Variants in ZMYM3 observed in about 807,000 individuals in gnomAD.
ZMYM3 encodes zinc finger MYM-type containing 3.
A neutral mutation model predicts 94.2 loss-of-function variants in ZMYM3; 6 were observed. That is an observed-to-expected ratio of 0.06 (90% CI 0.03 to 0.13). The LOEUF (loss-of-function observed/expected upper bound fraction) is 0.13, where lower values mean the gene tolerates loss of function less well. ZMYM3 is among the 10% of genes least tolerant of loss of function. The pLI, the probability that ZMYM3 is intolerant of heterozygous loss-of-function variation, is 1.00. For missense variants in ZMYM3, 664 were observed against 1,132.6 expected (o/e 0.59, Z 5.94); for synonymous variants, 420 against 426.5 (o/e 0.98, Z 0.19).
chrX:71,242,960 T>C lies in ZMYM3; in HGVS notation c.3547+10A>G. 8.3e-7 allele frequency: 1 copy of C among 1,200,499 alleles called. No individual in the cohort carries two copies. The highest frequency in any genetic ancestry group is 1.1e-6 in the Non-Finnish European group (1 of 885,611). On this transcript the variant is annotated intron_variant, in intron 22 of 24. Coordinates refer to ENST00000314425, the MANE Select transcript of ZMYM3 (RefSeq NM_201599.3). ...AAGCGGGTAGGGGTTGCTACGTCCC[T>C]GTTCCTTACTGTTGGGGAGGAGTGT...
Position 71,253,135 on chromosome X carries a change from G to C in ZMYM3, c.121C>G (p.Pro41Ala). ...GEDLLESQTA[P>A]TRGWAPPGPS... ...CCAGGGGGGGCCCATCCTCGAGTTG[G>C]GGCAGTCTGGGATTCCAGTAGATCC... The change falls in exon 2 of 25, where the codon CCA becomes GCA. Residue 41 changes from proline (P) to alanine (A), a missense_variant. Physicochemically the swap from Pro to Ala is conservative, Grantham distance 27 (BLOSUM62 -1). Around this residue, in one of 9 missense-constraint regions of ZMYM3, gnomAD observed 196 missense variants for 190.8 expected, o/e 1.03. Transcript: ENST00000314425. 8.3e-7 allele frequency: 1 copy of C among 1,205,049 alleles called. No homozygotes were observed. The highest frequency in any genetic ancestry group is 1.7e-5 in the African/African-American group (1 of 57,621).
At chrX:71,248,963 A>C in intron 8 of ZMYM3, 56 bp downstream of exon 8, 1 of 1,198,698 alleles carries the variant, frequency 8.3e-7, no homozygotes, top group Non-Finnish European at 1.1e-6. Flanking sequence ...AGAGGGGAGT[A>C]TGGGAGGTAG....
upstream of ZMYM3, chrX:71,254,229 G>T (rs2030655467): frequency 8.9e-6 from 1 of 112,700 alleles, no homozygotes; most frequent in Non-Finnish European, 1.9e-5. Context: ...GCTCGAGGAG[G>T]GGGCTCGCGA....
Position 71,246,594 on chromosome X carries a change from C to A in ZMYM3, c.2412+1G>T, listed in dbSNP as rs774542220. 2 of 1,210,858 alleles carry A rather than the reference C, an allele frequency of 1.7e-6. No homozygotes were observed. Among genetic ancestry groups the A allele is most frequent in the Non-Finnish European group, 2.2e-6 (2 of 895,077 alleles). On this transcript the variant is annotated splice_donor_variant, in intron 14 of 24. Coordinates refer to ENST00000314425, the MANE Select transcript of ZMYM3 (RefSeq NM_201599.3). LOFTEE classifies it high-confidence loss of function. ...TCCTCCCCCTTGGCTTTTGCCCCGA[C>A]CTTGCCCAAATTCCCATTTTCCTCT...
chrX:71,244,916 G>C lies in ZMYM3; in HGVS notation c.3008-23C>G, dbSNP rs771494483. On this transcript the variant is annotated intron_variant, in intron 18 of 24. Transcript: ENST00000314425. The stretch of plus-strand genomic sequence containing the variant: ...GATCTAATGAAAAGGAAAGAAAGAA[G>C]AAATCAATTTCTTAAGATCTCAACC... The C allele has an allele frequency of 5.2e-6, 6 of 1,152,802 alleles. No individual in the cohort carries two copies. The Admixed American group carries it at 6.8e-5, about 13-fold the overall frequency.
chrX:71,251,128 C>A (rs2030446435), intron 4 of ZMYM3, 50 bp downstream of exon 4: 1 of 1,180,281 alleles, frequency 8.5e-7, no homozygotes. Flanking sequence ...ACTTTCGGAC[C>A]TTTTCCACAC....
chrX:71,240,724 C>T lies in ZMYM3; in HGVS notation c.*192G>A. The T allele has an allele frequency of 2.3e-6, 1 of 430,997 alleles. No individual in the cohort carries two copies. The allele number at this position is 430,997 out of a possible 1,213,427, so 35.5% of individuals were successfully genotyped here. On this transcript the variant is annotated 3_prime_UTR_variant, in exon 25 of 25. Transcript: ENST00000314425. ...AGCCCCTGAGTACAGAAGACCAGGG[C>T]CCCATGGTTGTCAAGTGGTACGGAA...
In ZMYM3 at chrX:71,245,375, C is replaced by G; in HGVS notation, c.2971G>C (p.Glu991Gln). 8.3e-7 allele frequency: 1 copy of G among 1,211,771 alleles called. No homozygotes were observed. The highest frequency in any genetic ancestry group is 1.1e-6 in the Non-Finnish European group (1 of 895,565). ...MAVKMANVLD[E>Q]PGQDLEADFP... Reference sequence around the variant, plus strand: ...TCTGCCTCCAAGTCTTGCCCAGGCTCATCCAAGACATTGGCCATCTTGACT... The same window carrying G: ...TCTGCCTCCAAGTCTTGCCCAGGCTGATCCAAGACATTGGCCATCTTGACT... Residue 991 changes from glutamate to glutamine, a missense_variant, in exon 18 of 25, where the codon GAG becomes CAG. Physicochemically the swap from Glu to Gln is conservative, Grantham distance 29. This residue lies in a region of ZMYM3 where 75 missense variants were observed against 152.5 expected (regional missense o/e 0.49). Transcript: ENST00000314425.
At position 71,249,160 on chromosome X, in the gene ZMYM3, G is replaced by A. The variant is rs867130832; in HGVS notation, c.1480C>T (p.Arg494Cys). The A allele has an allele frequency of 2.5e-6, 3 of 1,211,496 alleles. No homozygotes were observed. The highest frequency in any genetic ancestry group is 2.3e-4 in the Middle Eastern group (1 of 4,353). Residue 494 changes from arginine (R) to cysteine (C), a missense_variant, in exon 8 of 25, where the codon CGT (arginine) becomes TGT (cysteine). Arg to Cys is a radical substitution (Grantham distance 180). This residue lies in a region of ZMYM3 where 159 missense variants were observed against 313.0 expected (regional missense o/e 0.51). Coordinates refer to ENST00000314425, the MANE Select transcript of ZMYM3 (RefSeq NM_201599.3). ...TTGCACCAGACACATGGGTACACAC[G>A]TGTGTTTTTCTGTGAGGATGGGGAA... is the stretch of plus-strand genomic sequence containing the variant. ...CLGAYKKKNT[R>C]VYPCVWCKTL... is the part of the protein sequence containing the mutation.
chrX:71,247,990 T>C, intron 11 of ZMYM3, 84 bp from the exon 12 acceptor site: 1 of 1,099,800 alleles, frequency 9.1e-7, no homozygotes, highest in African/African-American at 1.8e-5. Flanking sequence ...GTGCTATACC[T>C]GAAACCTCTC....
At position 71,239,904 on chromosome X, in the gene ZMYM3, G is replaced by C. The variant is rs1466758838; in HGVS notation, c.*1012C>G. The C allele has an allele frequency of 2.7e-5, 3 of 112,955 alleles. No individual in the cohort carries two copies. Among genetic ancestry groups the C allele is most frequent in the African/African-American group, 9.7e-5 (3 of 30,997 alleles). 9.3% of individuals were successfully genotyped at this position (112,955 alleles called of 1,213,427 possible). On this transcript the variant is annotated 3_prime_UTR_variant, in exon 25 of 25. Transcript: ENST00000314425. ...GACCTCCAATGCAAGATGGGGAAGA[G>C]AGAAGATGTAGGCAGTGGCGGCAGG...
In ZMYM3 at chrX:71,246,589, C is replaced by T; in HGVS notation, c.2412+6G>A. On this transcript the variant is annotated splice_donor_region_variant and intron_variant, in intron 14 of 24. Transcript: ENST00000314425. Reference sequence around the variant, plus strand: ...GATTATCCTCCCCCTTGGCTTTTGCCCCGACCTTGCCCAAATTCCCATTTT... The same window carrying T: ...GATTATCCTCCCCCTTGGCTTTTGCTCCGACCTTGCCCAAATTCCCATTTT... The T allele has an allele frequency of 8.3e-7, 1 of 1,209,982 alleles. No homozygotes were observed. The highest frequency in any genetic ancestry group is 1.1e-6 in the Non-Finnish European group (1 of 894,690).
At chrX:71,247,571 C>T (rs952448189) in intron 12 of ZMYM3, 61 bp from the exon 13 acceptor site, 16 of 1,164,007 alleles carry the variant, frequency 1.4e-5, no homozygotes, top group Admixed American at 9.4e-5. Context: ...CCCTTTCTTT[C>T]CCCCGGGATA....
intron 2 of ZMYM3, chrX:71,252,047 G>A (rs2030504606): frequency 6.6e-6 from 1 of 151,173 alleles, no homozygotes; most frequent in South Asian, 3.0e-4. Context: ...CCACTAGGCA[G>A]AAGAGGGGAG....
Position 71,247,583 on chromosome X carries a change from G to A in ZMYM3, c.2149-73C>T, listed in dbSNP as rs2030238491. On this transcript the variant is annotated intron_variant, in intron 12 of 24. Transcript: ENST00000314425. ...GGGCCCTTTCTTTCCCCCGGGATAA[G>A]CCATGCTCCTCCCCTTGGAGATCGG... The A allele has an allele frequency of 3.5e-6, 4 of 1,155,382 alleles. No individual in the cohort carries two copies. In the South Asian group the frequency reaches 6.1e-5, roughly 18 times the overall value.
In ZMYM3 at chrX:71,249,593, C is replaced by T. The variant is rs766016733; in HGVS notation, c.1338G>A (p.Leu446=). The change falls in exon 7 of 25, where the codon CTG becomes CTA. Residue 446 remains leucine, a synonymous_variant. Coordinates refer to ENST00000314425, the MANE Select transcript of ZMYM3 (RefSeq NM_201599.3). Reference sequence around the variant, plus strand: ...CACACTGGTCACAACAGTTGGTTTTCAGTCCCTTGTTGGCCCGGAATTTGG... The same window carrying T: ...CACACTGGTCACAACAGTTGGTTTTTAGTCCCTTGTTGGCCCGGAATTTGG... ...CFSKFRANKG[L]KTNCCDQCGA... 1.7e-6 allele frequency: 2 copies of T among 1,211,691 alleles called. No individual in the cohort carries two copies. The highest frequency in any genetic ancestry group is 2.2e-6 in the Non-Finnish European group (2 of 895,462).
Position 71,249,489 on chromosome X carries a change from T to C in ZMYM3, c.1442A>G (p.Asn481Ser), listed in dbSNP as rs933612410. Residue 481 changes from asparagine (N) to serine (S), a missense_variant, in exon 7 of 25, where the codon AAC becomes AGC. By Grantham distance (46) the Asn-to-Ser change is conservative. Around this residue, in one of 9 missense-constraint regions of ZMYM3, gnomAD observed 159 missense variants for 313.0 expected, o/e 0.51. Coordinates refer to ENST00000314425, the MANE Select transcript of ZMYM3 (RefSeq NM_201599.3). ...FHEGQQKRFC[N>S]TTCLGAYKKK... ...CTTGTACGCCCCCAAGCAGGTTGTGTTGCAGAACCGCTTTTGTTGGCCCTC... is the reference window on the plus strand; with the variant it reads ...CTTGTACGCCCCCAAGCAGGTTGTGCTGCAGAACCGCTTTTGTTGGCCCTC... 7 of 1,196,621 alleles carry C rather than the reference T, an allele frequency of 5.8e-6. No homozygotes were observed. The highest frequency in any genetic ancestry group is 6.8e-6 in the Non-Finnish European group (6 of 888,237).
At chrX:71,248,076 G>A (rs749934996) in intron 11 of ZMYM3, 86 bp downstream of exon 11, 7 of 1,156,955 alleles carry the variant, frequency 6.1e-6, no homozygotes, top group Non-Finnish European at 3.5e-6. Context: ...CCTGCCTCAT[G>A]GACCACTTTC....
chrX:71,250,078 G>C lies in ZMYM3; in HGVS notation c.1199C>G (p.Ser400Cys). Residue 400 changes from serine to cysteine, a missense_variant, in exon 6 of 25, where the codon TCT (serine) becomes TGT (cysteine). Transcript: ENST00000314425. ...GCGAGTAGCGTCGGCGGGATCCCCA[G>C]ACTGGGGGATCGGGCGCTGCTGCTG... ...EAQQQRPIPQ[S>C]GDPADATRCS... 1 of 1,204,600 alleles carries C rather than the reference G, an allele frequency of 8.3e-7. No individual in the cohort carries two copies. The highest frequency in any genetic ancestry group is 1.1e-6 in the Non-Finnish European group (1 of 892,373).
Sources: gnomAD v4.1 joint callset for allele counts on GRCh38, gnomAD v4.1.1 for gene constraint, gnomAD v4.1.1 regional missense constraint, MANE v1.5 for transcripts, NCBI Gene and HGNC (gene_info 2026-07-23, HGNC 2026-07-21) for gene names.